The following ANKS1B variants were observed in gnomAD, a reference collection of about 807,000 sequenced individuals.
The protein encoded by ANKS1B is ankyrin repeat and sterile alpha motif domain-containing protein 1B.
Under a neutral mutation model 148.3 loss-of-function variants are expected in ANKS1B, and 36 were observed. The observed-to-expected ratio is 0.24, with a 90% CI of 0.19 to 0.32. ANKS1B has a LOEUF of 0.32. Ranked by LOEUF, ANKS1B falls within the 10% of genes least tolerant of loss-of-function variation. The probability of loss-of-function intolerance (pLI) is 1.00; values close to 1 mark genes in which losing one functional copy is unlikely to be tolerated. For missense variants in ANKS1B, 1,157 were observed against 1,542.6 expected, an observed-to-expected ratio of 0.75 and a Z score of 4.19; for synonymous variants, 542 against 560.8, an observed-to-expected ratio of 0.97 and a Z score of 0.47.
intron 17 of ANKS1B, among the ~76,000 whole-genome samples, chr12:98,971,436 T>G (rs1445631508): frequency 6.6e-6 from 1 of 152,176 alleles, no homozygotes. Context: ...CTTTGACCTA[T>G]TAAAGAATGT....
At chr12:99,095,370 G>C (rs1249171133) in intron 15 of ANKS1B, among the ~76,000 whole-genome samples, 1 of 152,156 alleles carries the variant, frequency 6.6e-6, no homozygotes, top group African/African-American at 2.4e-5. Context: ...AAAAGCTTTT[G>C]CTTTCCTAAT....
chr12:99,082,902 G>C (rs780140712), intron 16 of ANKS1B, among the ~76,000 whole-genome samples: 1 of 152,114 alleles, frequency 6.6e-6, no homozygotes, highest in Non-Finnish European at 1.5e-5. Context: ...ACTGTGCTAG[G>C]TGCTATAGAT....
intron 11 of ANKS1B, among the ~76,000 whole-genome samples, chr12:99,413,629 G>A (rs1407128617): frequency 6.6e-6 from 1 of 152,062 alleles, no homozygotes; most frequent in African/African-American, 2.4e-5. Flanking sequence ...ATAAGAGAAA[G>A]GCAGAAAATT....
Position 99,246,514 on chromosome 12 carries a change from C to T in ANKS1B, c.2107G>A (p.Val703Ile). The change falls in exon 13 of 27, where the codon GTT becomes ATT. Residue 703 changes from valine (V) to isoleucine (I), a missense_variant. Around this residue, in one of 6 missense-constraint regions of ANKS1B, gnomAD observed 661 missense variants for 642.1 expected, o/e 1.03. Coordinates refer to ENST00000683438, the MANE Select transcript of ANKS1B (RefSeq NM_001352186.2). ...RSGSRNGDQW[V>I]MNAGGFVERA... is the part of the protein sequence containing the mutation. ...TCCACAAATCCCCCTGCGTTCATAA[C>T]CCACTGGTCCCCATTCCGAGATCCA... 2 of 1,613,236 alleles carry T rather than the reference C, an allele frequency of 1.2e-6. No homozygotes were observed. Among genetic ancestry groups the T allele is most frequent in the Non-Finnish European group, 1.7e-6 (2 of 1,179,696 alleles).
chr12:99,809,693 C>T (rs2068088241), intron 3 of ANKS1B, among the ~76,000 whole-genome samples: 1 of 151,948 alleles, frequency 6.6e-6, no homozygotes, highest in African/African-American at 2.4e-5. Flanking sequence ...AAAGAGATAA[C>T]ATATTTTTAA....
intron 17 of ANKS1B, among the ~76,000 whole-genome samples, chr12:98,921,272 G>C (rs1047533046): frequency 1.4e-4 from 21 of 152,088 alleles, no homozygotes; most frequent in African/African-American, 4.6e-4. Context: ...CACCCAAAAT[G>C]TACAGGTGAT....
chr12:99,009,261 A>G (rs1021434417), intron 17 of ANKS1B, among the ~76,000 whole-genome samples: 4 of 152,208 alleles, frequency 2.6e-5, no homozygotes, highest in African/African-American at 9.6e-5. Context: ...AAACAAATCT[A>G]AACATTCTCA....
chr12:99,188,885 C>T (rs960279327), intron 14 of ANKS1B, among the ~76,000 whole-genome samples: 3 of 152,040 alleles, frequency 2.0e-5, no homozygotes, highest in East Asian at 1.9e-4. Flanking sequence ...AAATACCCTT[C>T]GAAAAATCAA....
rs1046002794 is a variant in ANKS1B at position 99,975,135 on chromosome 12, A to G, written c.134+8969T>C. On this transcript the variant is annotated intron_variant, in intron 1 of 26. Coordinates refer to ENST00000683438, the MANE Select transcript of ANKS1B (RefSeq NM_001352186.2). ...ACCACAGCACCCCGGCCTGGGTGAC[A>G]GAGTGAGAACTTGTCTCCAAAAAAA... Among the ~76,000 whole-genome samples the G allele has an allele frequency of 7.1e-4, 90 of 127,130 alleles. 1 individual carries two copies. The highest frequency in any genetic ancestry group is 2.8e-3 in the African/African-American group (87 of 31,352). The allele number at this position is 127,130 out of a possible 152,430, so 83.4% of individuals were successfully genotyped here. A position where few individuals can be genotyped will look rare whatever the true frequency, so the allele number is the denominator to read the frequency against.
intron 17 of ANKS1B, among the ~76,000 whole-genome samples, chr12:98,907,001 T>A (rs2099780030): frequency 8.2e-6 from 1 of 121,758 alleles, no homozygotes; most frequent in Admixed American, 9.6e-5. Context: ...CTCACATAGT[T>A]ACTCTGTGTG....
chr12:99,518,048 C>T (rs958627028), intron 9 of ANKS1B, among the ~76,000 whole-genome samples: 4 of 152,126 alleles, frequency 2.6e-5, no homozygotes, highest in Admixed American at 2.6e-4. Context: ...TTGAACCATC[C>T]TTGCCTCCTA....
intron 12 of ANKS1B, among the ~76,000 whole-genome samples, chr12:99,383,406 C>G (rs1168285664): frequency 6.6e-6 from 1 of 152,162 alleles, no homozygotes; most frequent in Admixed American, 6.5e-5. Context: ...GCTTATGAAG[C>G]CCTCTACAAC....
At chr12:98,972,589 G>A (rs1000723928) in intron 17 of ANKS1B, among the ~76,000 whole-genome samples, 1 of 152,120 alleles carries the variant, frequency 6.6e-6, no homozygotes, top group Non-Finnish European at 1.5e-5. Context: ...CAGGGCTTCC[G>A]ACGCCACTTT....
chr12:98,772,430 C>A (rs2098598710), intron 25 of ANKS1B, among the ~76,000 whole-genome samples: 1 of 152,176 alleles, frequency 6.6e-6, no homozygotes, highest in South Asian at 2.1e-4. Context: ...GTACCCAAGA[C>A]TAGGTAATTT....
chr12:99,424,513 T>C (rs2095191710), intron 11 of ANKS1B, among the ~76,000 whole-genome samples: 1 of 149,482 alleles, frequency 6.7e-6, no homozygotes, highest in Non-Finnish European at 1.5e-5. Context: ...GCTTAAAAGC[T>C]ATGAAGTAAA....
intron 9 of ANKS1B, among the ~76,000 whole-genome samples, chr12:99,590,258 C>CACACACACACACA (rs1567422900): frequency 1.5e-5 from 2 of 132,806 alleles, no homozygotes; most frequent in Admixed American, 7.7e-5. Flanking sequence ...CCACACCCAC[C>CACACACACACACA]CACACACACA....
intron 17 of ANKS1B, among the ~76,000 whole-genome samples, chr12:98,957,310 AATATTTATTTATTTATT>A (rs1380467372): frequency 5.2e-5 from 7 of 135,896 alleles, no homozygotes; most frequent in African/African-American, 1.6e-4. Flanking sequence ...ATTTTTTTTA[AATATTTATTTATTTATT>A]TATTTATTTA....
chr12:99,581,218 C>G (rs117538482), intron 9 of ANKS1B, among the ~76,000 whole-genome samples: 1,781 of 152,218 alleles, frequency 0.012, 16 homozygotes, highest in Non-Finnish European at 0.016. Context: ...GCACAGAGAT[C>G]AGTGGAATAA....
At chr12:98,847,535 T>G (rs1361233400) in intron 17 of ANKS1B, among the ~76,000 whole-genome samples, 1 of 152,068 alleles carries the variant, frequency 6.6e-6, no homozygotes, top group Non-Finnish European at 1.5e-5. Context: ...ATTCCTTGTC[T>G]TAGGACATTG....
Sources: allele counts gnomAD v4.1 joint callset (sites outside exome capture counted in the v4.1 genomes callset), GRCh38; gene constraint gnomAD v4.1.1; regional missense constraint gnomAD v4.1.1; transcripts MANE v1.5; gene names NCBI Gene and HGNC (gene_info 2026-07-23, HGNC 2026-07-21).